Variants in CACNA2D3 observed in about 807,000 individuals in gnomAD.
CACNA2D3 encodes the protein voltage-dependent calcium channel subunit alpha-2/delta-3.
A neutral mutation model predicts 160.6 loss-of-function variants in CACNA2D3; 60 were observed. The observed-to-expected ratio is 0.37, with a 90% CI of 0.30 to 0.46. The LOEUF (loss-of-function observed/expected upper bound fraction) is 0.46. Among genes scored for constraint, CACNA2D3 ranks in the 20% least tolerant of loss-of-function variants. CACNA2D3 has a pLI of 1.00. For synonymous variants in CACNA2D3, 558 were observed against 492.9 expected, an observed-to-expected ratio of 1.13 and a Z score of -1.75; for missense variants, 1,205 against 1,365.0, an observed-to-expected ratio of 0.88 and a Z score of 1.85.
At chr3:54,836,114 C>T (rs1698673682) in intron 14 of CACNA2D3, among the ~76,000 whole-genome samples, 1 of 151,794 alleles carries the variant, frequency 6.6e-6, no homozygotes, top group Non-Finnish European at 1.5e-5. Flanking sequence ...TGTCTCCCAA[C>T]ACTGTGTAAA....
chr3:54,943,685 T>C (rs954968736), intron 27 of CACNA2D3, among the ~76,000 whole-genome samples: 1 of 152,192 alleles, frequency 6.6e-6, no homozygotes, highest in African/African-American at 2.4e-5. Context: ...AAATATGTAT[T>C]ACTACTATTT....
intron 11 of CACNA2D3, among the ~76,000 whole-genome samples, chr3:54,668,948 T>A (rs1307584418): frequency 6.6e-6 from 1 of 152,242 alleles, no homozygotes; most frequent in Non-Finnish European, 1.5e-5. Context: ...GTGGAACACA[T>A]ACACCTTCCA....
intron 2 of CACNA2D3, among the ~76,000 whole-genome samples, chr3:54,313,788 G>A (rs944819144): frequency 9.6e-5 from 12 of 125,400 alleles, no homozygotes; most frequent in African/African-American, 3.3e-4. Flanking sequence ...CTGCAAGATA[G>A]GAGTCACTGC....
chr3:54,453,711 G>C (rs1334889288), intron 4 of CACNA2D3, among the ~76,000 whole-genome samples: 6 of 152,114 alleles, frequency 3.9e-5, no homozygotes, highest in Non-Finnish European at 8.8e-5. Context: ...TGGTGTTACT[G>C]TTAGGTAAGT....
intron 27 of CACNA2D3, among the ~76,000 whole-genome samples, chr3:54,936,781 T>TTC (rs1184866469): frequency 1.3e-5 from 2 of 152,212 alleles, no homozygotes; most frequent in African/African-American, 4.8e-5. Context: ...GCTTTCATCA[T>TTC]GAAGCATGAC....
At chr3:54,529,119 C>T (rs1701767753) in intron 5 of CACNA2D3, among the ~76,000 whole-genome samples, 1 of 152,238 alleles carries the variant, frequency 6.6e-6, no homozygotes, top group Admixed American at 6.5e-5. Flanking sequence ...GAAATGACAG[C>T]ACAGGGGTGC....
In CACNA2D3 at chr3:54,623,911, A is replaced by G. The variant is rs146317327; in HGVS notation, c.964-3876A>G. Among the ~76,000 whole-genome samples the G allele has an allele frequency of 7.7e-3, 1,171 of 152,276 alleles. 19 individuals carry two copies. The highest frequency in any genetic ancestry group is 0.026 in the African/African-American group (1,085 of 41,560). On this transcript the variant is annotated intron_variant, in intron 9 of 37. Coordinates refer to ENST00000474759, the MANE Select transcript of CACNA2D3 (RefSeq NM_018398.3). ...TAGTGGAGGACACATCATGGGAGGT[A>G]GTTCCCTGGGAGACAAGAGCTGGTT... is the stretch of plus-strand genomic sequence containing the variant.
chr3:54,423,877 C>T (rs58549260), intron 4 of CACNA2D3, among the ~76,000 whole-genome samples: 12,492 of 150,882 alleles, frequency 0.083, 735 homozygotes, highest in East Asian at 0.16. Context: ...TCTTCTGTTG[C>T]CATCTTGAAA....
chr3:54,752,739 T>C (rs765450005), intron 12 of CACNA2D3, 62 bp downstream of exon 12: 8 of 1,183,832 alleles, frequency 6.8e-6, no homozygotes, highest in Admixed American at 1.9e-5. Flanking sequence ...GAATTAGGAA[T>C]ATTCATGAGA....
chr3:54,810,013 G>T (rs1032241241), intron 13 of CACNA2D3, among the ~76,000 whole-genome samples: 1 of 152,172 alleles, frequency 6.6e-6, no homozygotes, highest in South Asian at 2.1e-4. Context: ...GACACTTGGG[G>T]TAGAGATAAT....
intron 2 of CACNA2D3, among the ~76,000 whole-genome samples, chr3:54,201,144 A>G (rs939255369): frequency 1.3e-5 from 2 of 152,246 alleles, no homozygotes; most frequent in Non-Finnish European, 2.9e-5. Context: ...ATAATTTCGG[A>G]ATACTGATTA....
intron 3 of CACNA2D3, among the ~76,000 whole-genome samples, chr3:54,332,431 T>C (rs1258533180): frequency 4.6e-5 from 7 of 152,214 alleles, no homozygotes; most frequent in African/African-American, 1.7e-4. Context: ...CCCTTGCAAT[T>C]TTTAAGCAGC....
At chr3:54,130,407 G>A (rs938380701) in intron 2 of CACNA2D3, among the ~76,000 whole-genome samples, 34 of 152,228 alleles carry the variant, frequency 2.2e-4, no homozygotes, top group African/African-American at 8.0e-4. Context: ...TTGGCCTTAA[G>A]CAGTGGCATC....
chr3:55,001,440 C>A (rs2107133008), intron 31 of CACNA2D3, among the ~76,000 whole-genome samples: 1 of 152,318 alleles, frequency 6.6e-6, no homozygotes, highest in Non-Finnish European at 1.5e-5. Flanking sequence ...TCCTCTCTAG[C>A]AGGCACTGTG....
rs1376391263 is a variant in CACNA2D3 at position 54,736,097 on chromosome 3, A to G, written c.1168-16502A>G. Among the ~76,000 whole-genome samples, 82 of 15,796 alleles carry G rather than the reference A, an allele frequency of 5.2e-3. 14 individuals carry two copies. Among genetic ancestry groups the G allele is most frequent in the Non-Finnish European group, 8.7e-3 (54 of 6,216 alleles). The allele number at this position is 15,796 out of a possible 152,430, so 10.4% of individuals were successfully genotyped here. A position where few individuals can be genotyped will look rare whatever the true frequency, so the allele number is the denominator to read the frequency against. On this transcript the variant is annotated intron_variant, in intron 11 of 37. Coordinates refer to ENST00000474759, the MANE Select transcript of CACNA2D3 (RefSeq NM_018398.3). ...TACATATATATGTATGTGTATATAT[A>G]TACATATATATGTATATATATACAT... is the stretch of plus-strand genomic sequence containing the variant.
intron 11 of CACNA2D3, among the ~76,000 whole-genome samples, chr3:54,694,122 G>A (rs934530412): frequency 1.3e-5 from 2 of 152,214 alleles, no homozygotes; most frequent in Non-Finnish European, 2.9e-5. Flanking sequence ...CATTCATGGT[G>A]AGTGCCCTAT....
intron 25 of CACNA2D3, among the ~76,000 whole-genome samples, chr3:54,895,133 C>T (rs1469657374): frequency 1.3e-5 from 2 of 152,020 alleles, no homozygotes; most frequent in Non-Finnish European, 2.9e-5. Context: ...AATTTTATAG[C>T]AGTATTAACA....
chr3:54,353,456 G>A (rs1575411407), intron 3 of CACNA2D3, among the ~76,000 whole-genome samples: 2 of 141,668 alleles, frequency 1.4e-5, no homozygotes, highest in East Asian at 4.2e-4. Context: ...TCCAGGAATA[G>A]CATTTTTTTT....
rs147328627 is a variant in CACNA2D3, at chr3:54,927,658, C to T, written c.2449+27790C>T. Among the ~76,000 whole-genome samples, 418 of 152,306 alleles carry T rather than the reference C, an allele frequency of 2.7e-3. 2 individuals carry two copies. Among genetic ancestry groups the T allele is most frequent in the African/African-American group, 9.7e-3 (402 of 41,558 alleles). ...AACTCCAACTACAAGCACCATGTTT[C>T]CTATGAAATGGCCCGTGACATGCCA... On this transcript the variant is annotated intron_variant, in intron 27 of 37. Transcript: ENST00000474759.
Sources: gnomAD v4.1 joint callset for allele counts (sites outside exome capture counted in the v4.1 genomes callset) on GRCh38, gnomAD v4.1.1 for gene constraint, MANE v1.5 for transcripts, NCBI Gene and HGNC (gene_info 2026-07-23, HGNC 2026-07-21) for gene names.